The following GLE1 variants were observed in gnomAD, a reference collection of about 807,000 sequenced individuals.
GLE1 encodes GLE1 RNA export mediator.
GLE1 carries 78 observed loss-of-function variants against 97.3 expected under a neutral mutation model. The ratio of observed to expected loss-of-function variants is 0.80; its 90% CI spans 0.67 to 0.97. The LOEUF is 0.97. GLE1 is among the 50% of genes least tolerant of loss of function. The pLI, the probability that GLE1 is intolerant of heterozygous loss-of-function variation, is 0.00. For missense variants in GLE1, 753 were observed against 857.5 expected, an observed-to-expected ratio of 0.88 and a Z score of 1.52; for synonymous variants, 302 against 313.4, an observed-to-expected ratio of 0.96 and a Z score of 0.39.
intron 11 of GLE1, among the ~76,000 whole-genome samples, chr9:128,534,847 T>C (rs1397915006): frequency 6.6e-6 from 1 of 151,720 alleles, no homozygotes; most frequent in Non-Finnish European, 1.5e-5. Context: ...GCCTCCCGAG[T>C]AGCTGGGACT....
chr9:128,536,534 A>G, intron 12 of GLE1, 50 bp downstream of exon 12: 9 of 1,503,256 alleles, frequency 6.0e-6, no homozygotes, highest in South Asian at 2.3e-5. Flanking sequence ...ACCACAGTCC[A>G]TGTGTATTCC....
rs121434408 is a variant in GLE1 at position 128,538,058 on chromosome 9, G to A, written c.1849G>A (p.Val617Met). Reference sequence around the variant, plus strand: ...CTTAAACATGGAGCCCTTGTCAGATGTGACAGCCACCCTCCTCTTTGACTT... The same window carrying A: ...CTTAAACATGGAGCCCTTGTCAGATATGACAGCCACCCTCCTCTTTGACTT... ...QILNMEPLSD[V>M]TATLLFDFLE... Residue 617 changes from valine (V) to methionine (M), a missense_variant, in exon 13 of 16, where the codon GTG (valine) becomes ATG (methionine). By Grantham distance (21) the Val-to-Met change is conservative (BLOSUM62 1). Transcript: ENST00000309971. The A allele has an allele frequency of 8.1e-6, 13 of 1,609,342 alleles. No homozygotes were observed. The highest frequency in any genetic ancestry group is 5.1e-6 in the Non-Finnish European group (6 of 1,175,768).
chr9:128,523,697 G>T lies in GLE1; in HGVS notation c.748G>T (p.Ala250Ser). ...CCAGATCCGCCTGCGGGCCCTCTAT[G>T]CTCTGCAGGAGGAGATGCTGCAGCT... Reference protein sequence around the residue: ...EGQIRLRALYALQEEMLQLSQ... With the variant: ...EGQIRLRALYSLQEEMLQLSQ... Residue 250 changes from alanine to serine, a missense_variant, in exon 6 of 16, where the codon GCT (alanine) becomes TCT (serine). Coordinates refer to ENST00000309971, the MANE Select transcript of GLE1 (RefSeq NM_001003722.2). The T allele has an allele frequency of 6.2e-7, 1 of 1,614,142 alleles. No individual in the cohort carries two copies.
chr9:128,514,869 T>G (rs998524041), intron 2 of GLE1, among the ~76,000 whole-genome samples: 6 of 150,868 alleles, frequency 4.0e-5, no homozygotes, highest in African/African-American at 1.5e-4. Flanking sequence ...CAGGCTGGAG[T>G]GCAGTGGCGC....
intron 12 of GLE1, among the ~76,000 whole-genome samples, chr9:128,537,453 C>CAAAAAA (rs57584433): frequency 1.6e-4 from 7 of 43,954 alleles, no homozygotes; most frequent in Admixed American, 2.6e-4. Context: ...AACTCTCCCT[C>CAAAAAA]AAAAAAAAAA....
chr9:128,520,513 T>C (rs915108917), intron 3 of GLE1, among the ~76,000 whole-genome samples: 4 of 151,406 alleles, frequency 2.6e-5, no homozygotes, highest in Non-Finnish European at 5.9e-5. Flanking sequence ...ATCTAATGAC[T>C]AGGGGAAGAC....
chr9:128,540,335 G>A lies in GLE1; in HGVS notation c.2025G>A (p.Leu675=). Residue 675 remains leucine (L), a synonymous_variant, in exon 15 of 16, where the codon TTG becomes TTA. Coordinates refer to ENST00000309971, the MANE Select transcript of GLE1 (RefSeq NM_001003722.2). ...MGSFIRLKQF[L]EKCLQHKDIP... is the part of the protein sequence containing the mutation. ...CCTTCATACGCCTCAAGCAGTTCTTGGAGGTAAGATGCCCTTAGACCAACA... is the reference window on the plus strand; with the variant it reads ...CCTTCATACGCCTCAAGCAGTTCTTAGAGGTAAGATGCCCTTAGACCAACA... 1.2e-6 allele frequency: 2 copies of A among 1,601,590 alleles called. No individual in the cohort carries two copies. The highest frequency in any genetic ancestry group is 1.1e-5 in the South Asian group (1 of 90,810).
intron 13 of GLE1, 115 bp downstream of exon 13, chr9:128,538,205 G>T (rs1156608833): frequency 1.4e-6 from 1 of 711,114 alleles, no homozygotes; most frequent in African/African-American, 1.7e-5. Flanking sequence ...AAAACAGCAT[G>T]AGGTTCCAGT....
At chr9:128,529,331 C>G (rs577153963) in intron 9 of GLE1, among the ~76,000 whole-genome samples, 3 of 152,162 alleles carry the variant, frequency 2.0e-5, no homozygotes, top group Non-Finnish European at 4.4e-5. Context: ...TGACATTTAC[C>G]TCTTAGTCTC....
At chr9:128,505,909 C>G (rs969842082) in intron 1 of GLE1, among the ~76,000 whole-genome samples, 1 of 152,170 alleles carries the variant, frequency 6.6e-6, no homozygotes, top group Admixed American at 6.5e-5. Flanking sequence ...TTCTTTATAT[C>G]CGCTATTCCT....
At chr9:128,527,137 GTAAATACTAGCTATTAC>G (rs1564152482) in intron 7 of GLE1, 25 bp from the exon 8 acceptor site, 1 of 1,047,174 alleles carries the variant, frequency 9.5e-7, no homozygotes, top group South Asian at 1.3e-5. Context: ...TACATGTTCA[GTAAATACTAGCTATTAC>G]TAAAACCTCT....
intron 3 of GLE1, among the ~76,000 whole-genome samples, 153 bp downstream of exon 3, chr9:128,515,792 C>G (rs1846968648): frequency 6.6e-6 from 1 of 152,118 alleles, no homozygotes; most frequent in Admixed American, 6.6e-5. Flanking sequence ...GGAGTGAGTG[C>G]TCTGAAGTCA....
chr9:128,525,172 C>T lies in GLE1; in HGVS notation c.898-20C>T. Reference sequence around the variant, plus strand: ...TACCTAGGGAATGACCACTAAGCACCATCTCCGTCACTCTGACAGAGCAGC... The same window carrying T: ...TACCTAGGGAATGACCACTAAGCACTATCTCCGTCACTCTGACAGAGCAGC... On this transcript the variant is annotated intron_variant, in intron 6 of 15. Coordinates refer to ENST00000309971, the MANE Select transcript of GLE1 (RefSeq NM_001003722.2). The T allele has an allele frequency of 6.3e-7, 1 of 1,581,402 alleles. No individual in the cohort carries two copies. Among genetic ancestry groups the T allele is most frequent in the South Asian group, 1.1e-5 (1 of 90,346 alleles).
At chr9:128,527,137 GTAAA>G in intron 7 of GLE1, 38 bp from the exon 8 acceptor site, 1 of 1,047,174 alleles carries the variant, frequency 9.5e-7, no homozygotes, top group Non-Finnish European at 1.5e-6. Context: ...TACATGTTCA[GTAAA>G]TACTAGCTAT....
chr9:128,509,246 C>A, intron 2 of GLE1, 149 bp downstream of exon 2: 1 of 691,942 alleles, frequency 1.4e-6, no homozygotes, highest in Non-Finnish European at 2.6e-6. Flanking sequence ...CAGCACCATT[C>A]AGTGTTCTCT....
At chr9:128,507,581 C>CAA (rs1846676648) in intron 1 of GLE1, among the ~76,000 whole-genome samples, 1 of 140,750 alleles carries the variant, frequency 7.1e-6, no homozygotes. Context: ...GAGAGCCTGT[C>CAA]TCTCAAAAAA....
chr9:128,525,433 A>C lies in GLE1; in HGVS notation c.1129+10A>C, dbSNP rs1409050969. On this transcript the variant is annotated intron_variant, in intron 7 of 15. Transcript: ENST00000309971. ...GGGAAACAGAATGAAGGTGGGTTTCAGTATGGATGTGGTCCTTTAACTCGT... is the reference window on the plus strand; with the variant it reads ...GGGAAACAGAATGAAGGTGGGTTTCCGTATGGATGTGGTCCTTTAACTCGT... The C allele has an allele frequency of 2.7e-6, 4 of 1,481,832 alleles. No individual in the cohort carries two copies. Among genetic ancestry groups the C allele is most frequent in the Admixed American group, 1.8e-5 (1 of 54,410 alleles). 91.8% of individuals were successfully genotyped at this position (1,481,832 alleles called of 1,614,324 possible).
intron 2 of GLE1, among the ~76,000 whole-genome samples, chr9:128,511,666 A>G (rs992814881): frequency 1.3e-5 from 2 of 151,248 alleles, no homozygotes; most frequent in African/African-American, 4.9e-5. Context: ...AGATTGCGCC[A>G]CTGCACACCA....
At chr9:128,521,172 T>A (rs1400389148) in intron 3 of GLE1, among the ~76,000 whole-genome samples, 1 of 152,174 alleles carries the variant, frequency 6.6e-6, no homozygotes, top group Non-Finnish European at 1.5e-5. Flanking sequence ...ATTCTCACTT[T>A]AACAGAGTCC....
Sources: gnomAD v4.1 joint callset for allele counts (sites outside exome capture counted in the v4.1 genomes callset) on GRCh38, gnomAD v4.1.1 for gene constraint, MANE v1.5 for transcripts, NCBI Gene and HGNC (gene_info 2026-07-23, HGNC 2026-07-21) for gene names.